RYR2: variants seen among roughly 807,000 people sequenced by gnomAD.
The protein encoded by RYR2 is cardiac muscle ryanodine receptor-calcium release channel.
A neutral mutation model predicts 601.1 loss-of-function variants in RYR2; 227 were observed. That is an observed-to-expected ratio of 0.38 (90% CI 0.34 to 0.42). RYR2 has a LOEUF of 0.42. RYR2 is among the 10% of genes least tolerant of loss of function. The probability of loss-of-function intolerance (pLI) is 1.00; values close to 1 mark genes in which losing one functional copy is unlikely to be tolerated. For synonymous variants in RYR2, 2,223 were observed against 2,175.1 expected, an observed-to-expected ratio of 1.02 and a Z score of -0.61; for missense variants, 4,646 against 6,156.5, an observed-to-expected ratio of 0.75 and a Z score of 8.21.
chr1:237,076,882 CG>C (rs1665059749), intron 1 of RYR2, among the ~76,000 whole-genome samples: 1 of 17,550 alleles, frequency 5.7e-5, no homozygotes, highest in Non-Finnish European at 1.2e-4. Context: ...AGAGAAAGGT[CG>C]GGTTACCCTC....
At chr1:237,711,069 G>A (rs987899848) in intron 70 of RYR2, among the ~76,000 whole-genome samples, 5 of 152,188 alleles carry the variant, frequency 3.3e-5, no homozygotes, top group East Asian at 3.9e-4. Context: ...TTAAAATGCC[G>A]AAGAAGCGTC....
rs1416001752 is a variant in RYR2 at position 237,784,818 on chromosome 1, T to C, written c.13106T>C (p.Leu4369Pro). 3 of 1,613,580 alleles carry C rather than the reference T, an allele frequency of 1.9e-6. No homozygotes were observed. Among genetic ancestry groups the C allele is most frequent in the Admixed American group, 1.7e-5 (1 of 60,008 alleles). Reference sequence around the variant, plus strand: ...GAGGATCTGACCGACTTAAAGGAGCTGACAGAGGAAAGTGACCTTCTTTCG... The same window carrying C: ...GAGGATCTGACCGACTTAAAGGAGCCGACAGAGGAAAGTGACCTTCTTTCG... ...PSEDLTDLKELTEESDLLSDI... is the reference protein window; with the variant it reads ...PSEDLTDLKEPTEESDLLSDI... Residue 4369 changes from leucine to proline, a missense_variant, in exon 90 of 105, where the codon CTG becomes CCG. Coordinates refer to ENST00000366574, the MANE Select transcript of RYR2 (RefSeq NM_001035.3). This position sits in a 1 kb window ranked among gnomAD's most constrained non-coding sequence, Gnocchi z 7.1.
intron 12 of RYR2, among the ~76,000 whole-genome samples, chr1:237,434,577 A>G (rs776252432): frequency 2.0e-5 from 3 of 152,176 alleles, no homozygotes; most frequent in Non-Finnish European, 4.4e-5. Context: ...TGCCAATCAT[A>G]TGTGTATCCA....
At chr1:237,328,423 A>AT (rs113889268) in intron 2 of RYR2, among the ~76,000 whole-genome samples, 19,110 of 151,984 alleles carry the variant, frequency 0.13, 2,746 homozygotes, top group African/African-American at 0.34. Context: ...TTATATGAGG[A>AT]TTTTAGAAAG....
At chr1:237,397,049 G>A (rs1255479344) in intron 10 of RYR2, among the ~76,000 whole-genome samples, 4 of 152,070 alleles carry the variant, frequency 2.6e-5, no homozygotes, top group Non-Finnish European at 5.9e-5. Context: ...TGGATCACTT[G>A]AGGTCAGGAG....
chr1:237,680,429 G>C (rs373095690), intron 61 of RYR2, 27 bp from the exon 62 acceptor site: 217 of 1,601,590 alleles, frequency 1.4e-4, no homozygotes, highest in Middle Eastern at 1.3e-3. Context: ...CCACTACGTA[G>C]ATCTGTCTTC....
In RYR2 at chr1:237,407,702, A is replaced by C. The variant is rs149310495; in HGVS notation, c.774-9347A>C. 8.5e-3 allele frequency among the ~76,000 whole-genome samples: 1,272 copies of C among 149,910 alleles called. 28 individuals carry two copies. The highest frequency in any genetic ancestry group is 0.03 in the African/African-American group (1,222 of 40,630). ...CATGATCTCGGCTTACTGGAAGCTC[A>C]ATCTCCTGGGTTCACGCCATTCTCC... is the stretch of plus-strand genomic sequence containing the variant. On this transcript the variant is annotated intron_variant, in intron 10 of 104. Coordinates refer to ENST00000366574, the MANE Select transcript of RYR2 (RefSeq NM_001035.3).
intron 2 of RYR2, among the ~76,000 whole-genome samples, chr1:237,276,392 G>A (rs1482966003): frequency 1.3e-5 from 2 of 152,138 alleles, no homozygotes; most frequent in South Asian, 2.1e-4. Flanking sequence ...GAGCCACCAC[G>A]CCTGGCCTCA....
intron 12 of RYR2, among the ~76,000 whole-genome samples, chr1:237,435,879 T>G (rs1326093582): frequency 6.6e-6 from 1 of 152,170 alleles, no homozygotes; most frequent in East Asian, 1.9e-4. Flanking sequence ...TATATAGGTT[T>G]GCTTAATGAG....
chr1:237,637,548 G>C (rs1044995283), intron 44 of RYR2, among the ~76,000 whole-genome samples: 3 of 152,168 alleles, frequency 2.0e-5, no homozygotes, highest in African/African-American at 7.2e-5. Context: ...TTTGCTAAAT[G>C]CTGTGTGTCT....
intron 1 of RYR2, among the ~76,000 whole-genome samples, chr1:237,159,327 T>C (rs1675749976): frequency 6.6e-6 from 1 of 151,734 alleles, no homozygotes; most frequent in African/African-American, 2.4e-5. Flanking sequence ...TAAAAGCAAA[T>C]ATAGAAATTG....
chr1:237,830,410 G>A, intron 102 of RYR2, 120 bp from the exon 103 acceptor site: 1 of 689,358 alleles, frequency 1.5e-6, no homozygotes, highest in Non-Finnish European at 2.7e-6. Context: ...CAGCCTCCAT[G>A]TGATGATCTT....
intron 10 of RYR2, among the ~76,000 whole-genome samples, chr1:237,410,677 C>A (rs1704360800): frequency 6.6e-6 from 1 of 152,090 alleles, no homozygotes; most frequent in African/African-American, 2.4e-5. Context: ...CTAACTGGCC[C>A]TTTACAGAAA....
At chr1:237,402,993 C>A (rs1477905852) in intron 10 of RYR2, among the ~76,000 whole-genome samples, 1 of 152,062 alleles carries the variant, frequency 6.6e-6, no homozygotes, top group African/African-American at 2.4e-5. Flanking sequence ...ATGGTCTATC[C>A]TACATGCATG....
In RYR2 at chr1:237,473,427, C is replaced by CTTTCTTTCTT. The variant is rs1553464621; in HGVS notation, c.1708+4241_1708+4242insTTCTTTCTTT. 1.4e-3 allele frequency among the ~76,000 whole-genome samples: 143 copies of CTTTCTTTCTT among 102,466 alleles called. 20 individuals are homozygous for CTTTCTTTCTT. The highest frequency in any genetic ancestry group is 1.5e-3 in the South Asian group (5 of 3,280). The allele number at this position is 102,466 out of a possible 152,430, so 67.2% of individuals were successfully genotyped here. A position where few individuals can be genotyped will look rare whatever the true frequency, so the allele number is the denominator to read the frequency against. On this transcript the variant is annotated intron_variant, in intron 17 of 104. Coordinates refer to ENST00000366574, the MANE Select transcript of RYR2 (RefSeq NM_001035.3). ...CGACAGAACGAGACTCCATCTCTCTCTCTCTCTTTCTTTCTTTCTTTCTTT... is the reference window on the plus strand; with the variant it reads ...CGACAGAACGAGACTCCATCTCTCTCTTTCTTTCTTTCTCTCTTTCTTTCTTTCTTTCTTT...
intron 1 of RYR2, among the ~76,000 whole-genome samples, chr1:237,071,421 A>G (rs369309981): frequency 2.0e-5 from 3 of 152,016 alleles, no homozygotes; most frequent in African/African-American, 4.8e-5. Context: ...ACAAGGTTTC[A>G]CTATGTTGGC....
At chr1:237,548,755 A>G (rs1262836575) in intron 26 of RYR2, among the ~76,000 whole-genome samples, 165 bp downstream of exon 26, 1 of 152,242 alleles carries the variant, frequency 6.6e-6, no homozygotes, top group East Asian at 1.9e-4. Flanking sequence ...TCAAGAATTT[A>G]CATGACCTTA....
In RYR2 at chr1:237,530,483, A is replaced by G. The variant is rs1668036111; in HGVS notation, c.2879A>G (p.Lys960Arg). 1 of 1,607,338 alleles carries G rather than the reference A, an allele frequency of 6.2e-7. No individual in the cohort carries two copies. The change falls in exon 25 of 105, where the codon AAG becomes AGG. Residue 960 changes from lysine to arginine, a missense_variant. Lys to Arg is a conservative substitution (Grantham distance 26, BLOSUM62 2). Transcript: ENST00000366574. ...ATATCAGATGAACATGCTGAAGACA[A>G]GGTGAAAAAAATGAAGCTACCCAAG... ...VGISDEHAED[K>R]VKKMKLPKNY...
chr1:237,495,073 G>A lies in RYR2; in HGVS notation c.1962-1438G>A, dbSNP rs372137397. On this transcript the variant is annotated intron_variant, in intron 19 of 104. Coordinates refer to ENST00000366574, the MANE Select transcript of RYR2 (RefSeq NM_001035.3). The stretch of plus-strand genomic sequence containing the variant: ...CAAAGTGCTGGGATTACAGGTGTGA[G>A]CCACTGCACCCAGCTAATGTGTTTT... Among the ~76,000 whole-genome samples the A allele has an allele frequency of 4.7e-3, 710 of 152,270 alleles. 10 individuals are homozygous for A. The highest frequency in any genetic ancestry group is 0.016 in the African/African-American group (679 of 41,556).
Sources: gnomAD v4.1 joint callset for allele counts (sites outside exome capture counted in the v4.1 genomes callset) on GRCh38, gnomAD v4.1.1 for gene constraint, Gnocchi (gnomAD v3.1) non-coding constraint, MANE v1.5 for transcripts, NCBI Gene and HGNC (gene_info 2026-07-23, HGNC 2026-07-21) for gene names.